Variants in RXRA observed in about 807,000 individuals in gnomAD.
RXRA encodes the protein retinoic acid receptor RXR-alpha.
In RXRA, 5 loss-of-function variants were observed where a neutral mutation model predicts 44.5. The ratio of observed to expected loss-of-function variants is 0.11; its 90% CI spans 0.06 to 0.24. The LOEUF (loss-of-function observed/expected upper bound fraction) is 0.24. Ranked by LOEUF, RXRA falls within the 10% of genes least tolerant of loss-of-function variation. The pLI, the probability that RXRA is intolerant of heterozygous loss-of-function variation, is 1.00. For missense variants in RXRA, 412 were observed against 646.5 expected (o/e 0.64, Z 3.93); for synonymous variants, 291 against 271.4 (o/e 1.07, Z -0.71).
At position 134,401,744 on chromosome 9, in the gene RXRA, G is replaced by A. The variant is rs1341738756; in HGVS notation, c.141G>A (p.Leu47=). 6.2e-7 allele frequency: 1 copy of A among 1,613,146 alleles called. No homozygotes were observed. Residue 47 remains leucine, a synonymous_variant, in exon 2 of 10, where the codon CTG becomes CTA. Transcript: ENST00000481739. The part of the protein sequence containing the change: ...LGPGIGSPGQ[L]HSPISTLSSP... ...CTGGCATCGGCTCCCCGGGACAGCT[G>A]CATTCTCCCATCAGCACCCTGAGCT...
At chr9:134,372,867 G>T (rs913883337) in intron 1 of RXRA, among the ~76,000 whole-genome samples, 5 of 152,240 alleles carry the variant, frequency 3.3e-5, no homozygotes, top group Non-Finnish European at 5.9e-5. Context: ...TGGGCGCGGA[G>T]CTGCTTGAGA....
chr9:134,400,920 C>T (rs893245836), intron 1 of RXRA, among the ~76,000 whole-genome samples: 9 of 152,186 alleles, frequency 5.9e-5, no homozygotes, highest in African/African-American at 2.2e-4. Context: ...GAGCTAGGGG[C>T]CTGAGCGTCC....
chr9:134,333,039 G>T (rs191971257), intron 1 of RXRA, among the ~76,000 whole-genome samples: 1 of 152,136 alleles, frequency 6.6e-6, no homozygotes, highest in Non-Finnish European at 1.5e-5. Flanking sequence ...CACTCCCCAG[G>T]CTCTGGATGA....
chr9:134,402,172 C>G (rs1347037444), intron 2 of RXRA: 18 of 481,904 alleles, frequency 3.7e-5, no homozygotes, highest in African/African-American at 2.8e-4. Flanking sequence ...TCCCTGTTCC[C>G]ATGACTGGGG....
intron 6 of RXRA, among the ~76,000 whole-genome samples, chr9:134,427,811 C>T (rs566949894): frequency 1.3e-5 from 2 of 152,320 alleles, no homozygotes; most frequent in African/African-American, 2.4e-5. Context: ...AAAGTTAATG[C>T]CAGTTTTCCA....
At chr9:134,372,540 A>G (rs1335210476) in intron 1 of RXRA, among the ~76,000 whole-genome samples, 2 of 150,834 alleles carry the variant, frequency 1.3e-5, no homozygotes, top group Admixed American at 7.0e-5. Context: ...AGAGGGCATC[A>G]CGGAGGCCTC....
chr9:134,393,232 A>G (rs906348334), intron 1 of RXRA, among the ~76,000 whole-genome samples: 20 of 151,436 alleles, frequency 1.3e-4, no homozygotes, highest in African/African-American at 4.9e-4. Context: ...GCACTGGGGC[A>G]CACACAGGGT....
chr9:134,337,393 C>A (rs976399567), intron 1 of RXRA, among the ~76,000 whole-genome samples: 18 of 152,330 alleles, frequency 1.2e-4, no homozygotes, highest in Admixed American at 1.1e-3. Context: ...CAGGCTTAGC[C>A]CTCAAGCGGG....
chr9:134,414,222 C>T (rs981456734), intron 4 of RXRA, among the ~76,000 whole-genome samples: 8 of 152,244 alleles, frequency 5.3e-5, no homozygotes, highest in Non-Finnish European at 8.8e-5. Context: ...GCTGCCCTGG[C>T]GGAGGAGGCA....
Position 134,422,507 on chromosome 9 carries a change from C to T in RXRA, c.910+702C>T, listed in dbSNP as rs946667732. The stretch of plus-strand genomic sequence containing the variant: ...ACACTCCCCCCTCCCAGGACACTCC[C>T]CTCTCCCGGGACACTCCCCCCTTCC... On this transcript the variant is annotated intron_variant, in intron 6 of 9. Coordinates refer to ENST00000481739, the MANE Select transcript of RXRA (RefSeq NM_002957.6). 18 of 1,221,016 alleles carry T rather than the reference C, an allele frequency of 1.5e-5. No individual in the cohort carries two copies. In the African/African-American group the frequency reaches 2.5e-4, roughly 17 times the overall value. The allele number at this position is 1,221,016 out of a possible 1,614,324, so 75.6% of individuals were successfully genotyped here.
intron 1 of RXRA, among the ~76,000 whole-genome samples, chr9:134,364,396 C>T (rs1425041847): frequency 6.6e-6 from 1 of 152,226 alleles, no homozygotes; most frequent in Non-Finnish European, 1.5e-5. Context: ...CCCTCAGATG[C>T]CGACTCCAGG....
Position 134,349,061 on chromosome 9 carries a change from G to T in RXRA, c.28+22402G>T, listed in dbSNP as rs1564264790. Among the ~76,000 whole-genome samples, 1 of 152,236 alleles carries T rather than the reference G, an allele frequency of 6.6e-6. No homozygotes were observed. The highest frequency in any genetic ancestry group is 2.4e-5 in the African/African-American group (1 of 41,462). The stretch of plus-strand genomic sequence containing the variant: ...GCTGGTCCCCGCTGAGAAGGCTGGT[G>T]ATGCATGGTGGGTACGCTGCTTCCC... On this transcript the variant is annotated intron_variant, in intron 1 of 9. Transcript: ENST00000481739. This position sits in a 1 kb window ranked among gnomAD's most constrained non-coding sequence, Gnocchi z 4.3.
intron 2 of RXRA, 110 bp from the exon 3 acceptor site, chr9:134,408,039 C>G (rs1315592620): frequency 2.2e-5 from 17 of 782,114 alleles, no homozygotes; most frequent in Non-Finnish European, 3.2e-5. Context: ...GCCTCGGTGT[C>G]TGTGTGTGAA....
intron 6 of RXRA, chr9:134,423,663 C>T (rs1831384794): frequency 1.0e-6 from 1 of 985,376 alleles, no homozygotes; most frequent in Admixed American, 6.1e-5. Flanking sequence ...CCCTCTGGGC[C>T]TGAGGCATGT....
chr9:134,413,351 CTGTG>C (rs963075716), intron 4 of RXRA, among the ~76,000 whole-genome samples: 2 of 150,574 alleles, frequency 1.3e-5, no homozygotes, highest in African/African-American at 4.9e-5. Context: ...TGGTATGTCT[CTGTG>C]TGTCTGTGTG....
chr9:134,420,284 G>A (rs1831307610), intron 5 of RXRA, among the ~76,000 whole-genome samples: 1 of 152,260 alleles, frequency 6.6e-6, no homozygotes, highest in Non-Finnish European at 1.5e-5. Context: ...GAGAGGCTGA[G>A]GCTAAGAAGC....
chr9:134,423,688 G>T (rs1368404162), intron 6 of RXRA: 3 of 985,366 alleles, frequency 3.0e-6, no homozygotes, highest in African/African-American at 3.5e-5. Context: ...GTCTGCCGTT[G>T]CGGGCTCAGA....
At chr9:134,360,145 C>A (rs968894623) in intron 1 of RXRA, among the ~76,000 whole-genome samples, 1 of 152,198 alleles carries the variant, frequency 6.6e-6, no homozygotes, top group African/African-American at 2.4e-5. Context: ...CGCGATTGCT[C>A]TGTCCTGCCT....
At chr9:134,352,424 G>C (rs1830232706) in intron 1 of RXRA, among the ~76,000 whole-genome samples, 1 of 152,076 alleles carries the variant, frequency 6.6e-6, no homozygotes, top group Non-Finnish European at 1.5e-5. Flanking sequence ...TTCTGAGCAG[G>C]GGCCCTGCTC....
Sources: gnomAD v4.1 joint callset for allele counts (sites outside exome capture counted in the v4.1 genomes callset) on GRCh38, gnomAD v4.1.1 for gene constraint, Gnocchi (gnomAD v3.1) non-coding constraint, MANE v1.5 for transcripts, NCBI Gene and HGNC (gene_info 2026-07-23, HGNC 2026-07-21) for gene names.